Variants in ANTXR1 observed in about 807,000 individuals in gnomAD.
The protein encoded by ANTXR1 is ANTXR cell adhesion molecule 1, also known as anthrax toxin receptor 1.
In ANTXR1, 19 loss-of-function variants were observed where a neutral mutation model predicts 78.1. The observed-to-expected ratio is 0.24, with a 90% CI of 0.17 to 0.36. The LOEUF (loss-of-function observed/expected upper bound fraction) is 0.36. ANTXR1 is among the 10% of genes least tolerant of loss of function. The pLI is 1.00. For missense variants in ANTXR1, 518 were observed against 718.6 expected (o/e 0.72, Z 3.19); for synonymous variants, 273 against 260.5 (o/e 1.05, Z -0.46).
intron 8 of ANTXR1, among the ~76,000 whole-genome samples, chr2:69,090,252 C>A (rs1268383019): frequency 6.6e-6 from 1 of 151,754 alleles, no homozygotes; most frequent in Admixed American, 6.6e-5. Flanking sequence ...TCTAGTATCA[C>A]TCTCTTATTT....
chr2:69,204,042 G>A (rs7591126), intron 17 of ANTXR1, among the ~76,000 whole-genome samples: 88,826 of 151,884 alleles, frequency 0.58, 26,436 homozygotes, highest in East Asian at 0.9. Context: ...ACCCAAGTGT[G>A]TAATATTTTA....
In ANTXR1 at chr2:69,245,633, A is replaced by T; in HGVS notation, c.*148A>T. The T allele has an allele frequency of 9.3e-7, 1 of 1,070,258 alleles. No individual in the cohort carries two copies. Among genetic ancestry groups the T allele is most frequent in the Non-Finnish European group, 1.3e-6 (1 of 741,438 alleles). The allele number at this position is 1,070,258 out of a possible 1,614,324, so 66.3% of individuals were successfully genotyped here. A position where few individuals can be genotyped will look rare whatever the true frequency, so the allele number is the denominator to read the frequency against. ...TGGCAATGCCAGTATACCAACAATCATGATCAGCTGAAAGAAACAGATATT... is the reference window on the plus strand; with the variant it reads ...TGGCAATGCCAGTATACCAACAATCTTGATCAGCTGAAAGAAACAGATATT... On this transcript the variant is annotated 3_prime_UTR_variant, in exon 18 of 18. Transcript: ENST00000303714.
intron 16 of ANTXR1, among the ~76,000 whole-genome samples, chr2:69,190,948 G>C (rs1430332647): frequency 6.6e-6 from 1 of 152,152 alleles, no homozygotes; most frequent in Admixed American, 6.5e-5. Flanking sequence ...ACAGCTCTGT[G>C]GGTGGGCTGA....
intron 8 of ANTXR1, among the ~76,000 whole-genome samples, chr2:69,082,843 C>T (rs1283985477): frequency 6.6e-6 from 1 of 152,208 alleles, no homozygotes; most frequent in East Asian, 1.9e-4. Flanking sequence ...AAGCCGACAT[C>T]AGGCTTCCTG....
chr2:69,096,710 C>G (rs945782835), intron 9 of ANTXR1, among the ~76,000 whole-genome samples: 31 of 152,156 alleles, frequency 2.0e-4, no homozygotes, highest in Admixed American at 5.2e-4. Context: ...TCGGATTTCA[C>G]CTAAAAATAC....
intron 14 of ANTXR1, among the ~76,000 whole-genome samples, chr2:69,181,357 G>T (rs905319916): frequency 1.3e-5 from 2 of 152,198 alleles, no homozygotes; most frequent in Non-Finnish European, 2.9e-5. Context: ...CATGTTTAGG[G>T]TAGGGAAATC....
At chr2:69,014,522 C>G (rs1188353124) in intron 1 of ANTXR1, among the ~76,000 whole-genome samples, 2 of 152,128 alleles carry the variant, frequency 1.3e-5, no homozygotes, top group Non-Finnish European at 2.9e-5. Flanking sequence ...CAAGGGAGAG[C>G]TGAATTCTGA....
At chr2:69,172,010 CCT>C (rs1269847663) in intron 14 of ANTXR1, among the ~76,000 whole-genome samples, 5 of 152,262 alleles carry the variant, frequency 3.3e-5, no homozygotes, top group African/African-American at 9.6e-5. Flanking sequence ...TCACCTGTCC[CCT>C]GTCACTCTAT....
intron 10 of ANTXR1, among the ~76,000 whole-genome samples, chr2:69,117,808 T>C (rs66734003): frequency 0.095 from 14,410 of 152,200 alleles, 848 homozygotes; most frequent in East Asian, 0.31. Context: ...GGAGAATGTG[T>C]GTCCCTAGTC....
chr2:69,187,886 G>A (rs963518575), intron 16 of ANTXR1, among the ~76,000 whole-genome samples: 14 of 151,738 alleles, frequency 9.2e-5, no homozygotes, highest in Admixed American at 6.6e-4. Context: ...ACCGCACCTG[G>A]CCTACCATGT....
intron 3 of ANTXR1, among the ~76,000 whole-genome samples, chr2:69,048,840 G>T (rs1669850325): frequency 2.0e-5 from 3 of 152,044 alleles, no homozygotes; most frequent in Admixed American, 2.0e-4. Context: ...AATTTTTTAT[G>T]TTCCCAGATA....
intron 8 of ANTXR1, among the ~76,000 whole-genome samples, chr2:69,082,629 A>G (rs574475493): frequency 6.6e-6 from 1 of 152,208 alleles, no homozygotes; most frequent in East Asian, 1.9e-4. Flanking sequence ...AGCTGGGTTC[A>G]GATAACACCG....
chr2:69,188,415 G>C (rs140003867), intron 16 of ANTXR1, among the ~76,000 whole-genome samples: 1 of 152,198 alleles, frequency 6.6e-6, no homozygotes, highest in African/African-American at 2.4e-5. Context: ...AGAATGCTAT[G>C]AATGCTGGCT....
chr2:69,142,340 T>A (rs1338898032), intron 12 of ANTXR1, among the ~76,000 whole-genome samples: 3 of 152,366 alleles, frequency 2.0e-5, no homozygotes, highest in East Asian at 3.9e-4. Flanking sequence ...AGTGGCAATT[T>A]GTGTTTGAAA....
chr2:69,237,820 G>A (rs1277990873), intron 17 of ANTXR1, among the ~76,000 whole-genome samples: 1 of 152,114 alleles, frequency 6.6e-6, no homozygotes, highest in Non-Finnish European at 1.5e-5. Context: ...ATGTAGACAT[G>A]CATATATATG....
At chr2:69,203,882 C>A (rs548356197) in intron 17 of ANTXR1, among the ~76,000 whole-genome samples, 14 of 152,268 alleles carry the variant, frequency 9.2e-5, no homozygotes, top group African/African-American at 3.4e-4. Flanking sequence ...AATCAGGTTG[C>A]AAATAGCAAA....
intron 14 of ANTXR1, among the ~76,000 whole-genome samples, chr2:69,171,017 GAAGT>G (rs1470052870): frequency 6.6e-6 from 1 of 152,204 alleles, no homozygotes; most frequent in Non-Finnish European, 1.5e-5. Flanking sequence ...GGAGTCTCTA[GAAGT>G]AACATCCACC....
intron 4 of ANTXR1, 106 bp downstream of exon 4, chr2:69,070,834 C>A: frequency 1.0e-6 from 1 of 968,748 alleles, no homozygotes; most frequent in South Asian, 1.4e-5. Flanking sequence ...CTGACTAGCA[C>A]CCAATAGCAA....
chr2:69,236,661 C>T (rs989944296), intron 17 of ANTXR1, among the ~76,000 whole-genome samples: 13 of 152,186 alleles, frequency 8.5e-5, no homozygotes, highest in African/African-American at 2.4e-5. Flanking sequence ...AAACAATTGA[C>T]AGATGTATGA....
Sources: gnomAD v4.1 joint callset for allele counts (sites outside exome capture counted in the v4.1 genomes callset) on GRCh38, gnomAD v4.1.1 for gene constraint, MANE v1.5 for transcripts, NCBI Gene and HGNC (gene_info 2026-07-23, HGNC 2026-07-21) for gene names.